Variants in AP3B1 observed in about 807,000 individuals in gnomAD.
The protein encoded by AP3B1 is adaptor related protein complex 3 subunit beta 1, also known as AP-3 complex subunit beta-1.
AP3B1 carries 61 observed loss-of-function variants against 132.5 expected under a neutral mutation model. The ratio of observed to expected loss-of-function variants is 0.46; its 90% confidence interval spans 0.37 to 0.57. AP3B1 has a LOEUF of 0.57. AP3B1 is among the 20% of genes least tolerant of loss of function. The pLI, the probability that AP3B1 is intolerant of heterozygous loss-of-function variation, is 0.00. For synonymous variants in AP3B1, 388 were observed against 438.3 expected, an observed-to-expected ratio of 0.89 and a Z score of 1.43; for missense variants, 1,120 against 1,289.4, an observed-to-expected ratio of 0.87 and a Z score of 2.01.
chr5:78,241,177 T>C (rs1747119870), intron 2 of AP3B1, among the ~76,000 whole-genome samples: 1 of 151,680 alleles, frequency 6.6e-6, no homozygotes, highest in South Asian at 2.1e-4. Context: ...TTTTACTAGT[T>C]TTCTCTGGCT....
At chr5:78,232,586 G>A (rs140444815) in intron 3 of AP3B1, among the ~76,000 whole-genome samples, 40 of 152,300 alleles carry the variant, frequency 2.6e-4, no homozygotes, top group African/African-American at 9.4e-4. Context: ...AAGCACAGTT[G>A]TCCCTTGCTA....
intron 22 of AP3B1, among the ~76,000 whole-genome samples, chr5:78,067,743 TC>T (rs1338981555): frequency 6.6e-6 from 1 of 152,086 alleles, no homozygotes; most frequent in African/African-American, 2.4e-5. Context: ...TAACAGAATC[TC>T]TGGGATGCAG....
intron 7 of AP3B1, among the ~76,000 whole-genome samples, chr5:78,214,967 G>A (rs1306014409): frequency 6.6e-6 from 1 of 151,972 alleles, no homozygotes; most frequent in Non-Finnish European, 1.5e-5. Flanking sequence ...CTGTCTTGTG[G>A]ATAAAGAAGT....
Position 78,032,607 on chromosome 5 carries a change from A to G in AP3B1, c.2894+1754T>C, listed in dbSNP as rs950077016. On this transcript the variant is annotated intron_variant, in intron 24 of 26. Coordinates refer to ENST00000255194, the MANE Select transcript of AP3B1 (RefSeq NM_003664.5). ...CCATTTTCTGATTTTGGGCAGGCCA[A>G]TCAAGAAAGTGAGTAATTGTGATTA... is the stretch of plus-strand genomic sequence containing the variant. 2.6e-5 allele frequency among the ~76,000 whole-genome samples: 4 copies of G among 152,088 alleles called. No homozygotes were observed. In the East Asian group the frequency reaches 5.8e-4, roughly 22 times the overall value.
intron 17 of AP3B1, among the ~76,000 whole-genome samples, chr5:78,126,504 CAAAAAA>C (rs70997969): frequency 0.011 from 687 of 62,298 alleles, 12 homozygotes; most frequent in African/African-American, 0.051. Flanking sequence ...GACTCTGTCT[CAAAAAA>C]AAAAAAAAAA....
At position 78,107,084 on chromosome 5, in the gene AP3B1, A is replaced by G. The variant is rs146254805; in HGVS notation, c.2397+3123T>C. Reference sequence around the variant, plus strand: ...AAGAAAAATTCATTCACATCAATTAATATCTCAAAAGACTAATGTGTACTA... The same window carrying G: ...AAGAAAAATTCATTCACATCAATTAGTATCTCAAAAGACTAATGTGTACTA... On this transcript the variant is annotated intron_variant, in intron 20 of 26. Coordinates refer to ENST00000255194, the MANE Select transcript of AP3B1 (RefSeq NM_003664.5). Among the ~76,000 whole-genome samples, 213 of 152,364 alleles carry G rather than the reference A, an allele frequency of 1.4e-3. 1 individual carries two copies. Among genetic ancestry groups the G allele is most frequent in the African/African-American group, 5.0e-3 (206 of 41,590 alleles).
intron 22 of AP3B1, among the ~76,000 whole-genome samples, chr5:78,080,453 C>CTTTTT (rs536764034): frequency 7.2e-6 from 1 of 138,192 alleles, no homozygotes; most frequent in African/African-American, 2.6e-5. Flanking sequence ...TTCCAATTTT[C>CTTTTT]TTTTTTTTTT....
intron 11 of AP3B1, among the ~76,000 whole-genome samples, chr5:78,168,226 CT>C (rs111663014): frequency 2.7e-3 from 349 of 127,944 alleles, no homozygotes; most frequent in Non-Finnish European, 3.7e-3. Context: ...TTTCTTTTTT[CT>C]TTTTTTTTTT....
chr5:78,156,183 A>C, intron 14 of AP3B1, 75 bp downstream of exon 14: 1 of 1,053,936 alleles, frequency 9.5e-7, no homozygotes, highest in Non-Finnish European at 1.5e-6. Context: ...ATTACCCTTT[A>C]GGCTGACCAT....
chr5:78,289,872 T>C (rs1226130931), intron 1 of AP3B1, among the ~76,000 whole-genome samples: 1 of 152,232 alleles, frequency 6.6e-6, no homozygotes, highest in Non-Finnish European at 1.5e-5. Flanking sequence ...ATAATTGTGA[T>C]GTCTAAATAT....
chr5:78,113,827 T>C lies in AP3B1; in HGVS notation c.2174A>G (p.Asp725Gly). ...GCCTGACTCCCGTCCACTCTCACTGTCCTGCTCACTGGAGGAGTCCTCACT... is the reference window on the plus strand; with the variant it reads ...GCCTGACTCCCGTCCACTCTCACTGCCCTGCTCACTGGAGGAGTCCTCACT... ...DSSEDSSSEQ[D>G]SESGRESGLE... The change falls in exon 19 of 27, where the codon GAC becomes GGC. Residue 725 changes from aspartate (D) to glycine (G), a missense_variant. Physicochemically the swap from Asp to Gly is moderately conservative, Grantham distance 94. Transcript: ENST00000255194. 1 of 1,614,250 alleles carries C rather than the reference T, an allele frequency of 6.2e-7. No homozygotes were observed. Among genetic ancestry groups the C allele is most frequent in the Non-Finnish European group, 8.5e-7 (1 of 1,180,040 alleles).
chr5:78,024,152 G>C (rs1747225951), intron 24 of AP3B1, among the ~76,000 whole-genome samples: 1 of 152,000 alleles, frequency 6.6e-6, no homozygotes, highest in Non-Finnish European at 1.5e-5. Flanking sequence ...CCTGATGGAG[G>C]GGAAGACACA....
intron 24 of AP3B1, among the ~76,000 whole-genome samples, chr5:78,021,230 G>A (rs576970670): frequency 2.7e-4 from 41 of 152,132 alleles, no homozygotes; most frequent in African/African-American, 9.9e-4. Flanking sequence ...AAATGAAGAA[G>A]AAAATAGAGT....
At chr5:78,063,926 C>A (rs955348035) in intron 22 of AP3B1, among the ~76,000 whole-genome samples, 2 of 151,706 alleles carry the variant, frequency 1.3e-5, no homozygotes, top group Non-Finnish European at 2.9e-5. Flanking sequence ...CACTTGTCAA[C>A]TTTCTAATTA....
intron 17 of AP3B1, among the ~76,000 whole-genome samples, chr5:78,118,793 A>C (rs1228902129): frequency 6.6e-6 from 1 of 152,208 alleles, no homozygotes; most frequent in East Asian, 1.9e-4. Flanking sequence ...CTGCAGACTT[A>C]AATGTCCCTG....
At chr5:78,100,245 T>G (rs1164358204) in intron 21 of AP3B1, among the ~76,000 whole-genome samples, 2 of 152,058 alleles carry the variant, frequency 1.3e-5, no homozygotes, top group Non-Finnish European at 2.9e-5. Flanking sequence ...CATAACTCAC[T>G]CTCAGCATAG....
intron 15 of AP3B1, among the ~76,000 whole-genome samples, chr5:78,131,084 T>C (rs938799418): frequency 1.7e-4 from 26 of 151,840 alleles, no homozygotes; most frequent in African/African-American, 6.3e-4. Context: ...TTTTCAAAAA[T>C]AACATTCTTT....
intron 6 of AP3B1, 111 bp downstream of exon 6, chr5:78,225,431 T>C: frequency 5.0e-6 from 3 of 600,306 alleles, no homozygotes; most frequent in Non-Finnish European, 5.5e-6. Flanking sequence ...CCATTAATAT[T>C]TATACCATTT....
intron 22 of AP3B1, among the ~76,000 whole-genome samples, chr5:78,068,216 G>C (rs1030471323): frequency 1.3e-5 from 2 of 152,056 alleles, no homozygotes; most frequent in Non-Finnish European, 2.9e-5. Context: ...CCCAGCTATC[G>C]GGACGCTAAG....
Sources: allele counts gnomAD v4.1 joint callset (sites outside exome capture counted in the v4.1 genomes callset), GRCh38; gene constraint gnomAD v4.1.1; transcripts MANE v1.5; gene names NCBI Gene and HGNC (gene_info 2026-07-23, HGNC 2026-07-21).